E2F3: variants seen among roughly 807,000 people sequenced by gnomAD.
E2F3 encodes transcription factor E2F3.
In E2F3, 11 loss-of-function variants were observed where a neutral mutation model predicts 44.4. The ratio of observed to expected loss-of-function variants is 0.25; its 90% CI spans 0.16 to 0.41. The LOEUF (loss-of-function observed/expected upper bound fraction) is 0.41, where lower values mean the gene tolerates loss of function less well. E2F3 is among the 10% of genes least tolerant of loss of function. E2F3 has a pLI of 1.00. For missense variants in E2F3, 487 were observed against 583.6 expected, an observed-to-expected ratio of 0.83 and a Z score of 1.70; for synonymous variants, 249 against 253.0, an observed-to-expected ratio of 0.98 and a Z score of 0.15.
intron 1 of E2F3, among the ~76,000 whole-genome samples, chr6:20,476,755 G>A (rs759840831): frequency 2.0e-5 from 3 of 152,212 alleles, no homozygotes; most frequent in South Asian, 2.1e-4. Flanking sequence ...GCACAGATGC[G>A]CTTAGACCAG....
chr6:20,434,086 G>A (rs529670629), intron 1 of E2F3, among the ~76,000 whole-genome samples: 2 of 152,304 alleles, frequency 1.3e-5, no homozygotes, highest in East Asian at 3.9e-4. Context: ...TTTGATGATT[G>A]AGCAGAAAAA....
chr6:20,448,787 G>A (rs1017707573), intron 1 of E2F3, among the ~76,000 whole-genome samples: 3 of 152,182 alleles, frequency 2.0e-5, no homozygotes, highest in Non-Finnish European at 4.4e-5. Context: ...AGCTGAAGGT[G>A]GGGGTGAGGG....
chr6:20,435,186 G>GC (rs761009848), intron 1 of E2F3, among the ~76,000 whole-genome samples: 40 of 152,160 alleles, frequency 2.6e-4, no homozygotes, highest in Admixed American at 4.6e-4. Context: ...GTGATCACAT[G>GC]CCCCAAGTCT....
chr6:20,465,891 C>T (rs768443441), intron 1 of E2F3, among the ~76,000 whole-genome samples: 7 of 152,086 alleles, frequency 4.6e-5, no homozygotes, highest in Non-Finnish European at 5.9e-5. Context: ...AATTGTGAAT[C>T]GTGCTGCTAT....
intron 1 of E2F3, among the ~76,000 whole-genome samples, chr6:20,409,959 TG>T (rs985796284): frequency 1.2e-4 from 18 of 152,356 alleles, no homozygotes; most frequent in African/African-American, 3.8e-4. Context: ...TGATTTCCTC[TG>T]GAAAGTTTTT....
At chr6:20,439,363 G>T (rs781254431) in intron 1 of E2F3, among the ~76,000 whole-genome samples, 9 of 152,242 alleles carry the variant, frequency 5.9e-5, no homozygotes, top group Admixed American at 2.6e-4. Context: ...GAAGCGAGCT[G>T]CTCTTTAGGG....
intron 1 of E2F3, among the ~76,000 whole-genome samples, chr6:20,429,599 C>G (rs888607641): frequency 1.3e-5 from 2 of 152,134 alleles, no homozygotes; most frequent in Non-Finnish European, 2.9e-5. Context: ...AGTCTAGGAC[C>G]ATTTCTCAAA....
At chr6:20,446,473 C>G (rs1760948398) in intron 1 of E2F3, among the ~76,000 whole-genome samples, 2 of 152,212 alleles carry the variant, frequency 1.3e-5, no homozygotes, top group African/African-American at 4.8e-5. Flanking sequence ...CCACAAGTAG[C>G]ACTTAAGGTT....
chr6:20,416,801 G>T (rs1417280172), intron 1 of E2F3, among the ~76,000 whole-genome samples: 1 of 152,062 alleles, frequency 6.6e-6, no homozygotes, highest in Non-Finnish European at 1.5e-5. Context: ...CATATCATGA[G>T]ATTCTAGTAA....
At chr6:20,403,319 C>T (rs946453499) in intron 1 of E2F3, among the ~76,000 whole-genome samples, 6 of 152,136 alleles carry the variant, frequency 3.9e-5, no homozygotes, top group African/African-American at 9.6e-5. Context: ...TGGGCGCATC[C>T]TGGCAGTGGC....
chr6:20,479,725 G>T, intron 1 of E2F3, 121 bp from the exon 2 acceptor site: 1 of 737,194 alleles, frequency 1.4e-6, no homozygotes, highest in East Asian at 2.7e-5. Flanking sequence ...TGAGTGGGGT[G>T]GAGCAGAGGG....
chr6:20,441,945 A>C (rs556314380), intron 1 of E2F3, among the ~76,000 whole-genome samples: 1 of 151,628 alleles, frequency 6.6e-6, no homozygotes, highest in Non-Finnish European at 1.5e-5. Flanking sequence ...CTAGCCATGC[A>C]CTAGGGGATT....
intron 4 of E2F3, among the ~76,000 whole-genome samples, chr6:20,484,952 C>CA (rs575881477): frequency 0.072 from 4,488 of 62,178 alleles, 174 homozygotes; most frequent in African/African-American, 0.16. Context: ...GAGTCCGTCT[C>CA]AAAAAAAAAA....
chr6:20,406,595 T>C (rs780965948), intron 1 of E2F3, among the ~76,000 whole-genome samples: 1 of 152,108 alleles, frequency 6.6e-6, no homozygotes, highest in African/African-American at 2.4e-5. Context: ...AGGGGTAAAA[T>C]AGGGACATTT....
chr6:20,402,009 A>C lies in E2F3; in HGVS notation c.-224A>C. The C allele has an allele frequency of 1.6e-6, 1 of 632,130 alleles. No individual in the cohort carries two copies. Among genetic ancestry groups the C allele is most frequent in the Non-Finnish European group, 2.3e-6 (1 of 437,600 alleles). 39.2% of individuals were successfully genotyped at this position (632,130 alleles called of 1,614,324 possible). On this transcript the variant is annotated 5_prime_UTR_variant, in exon 1 of 7. Coordinates refer to ENST00000346618, the MANE Select transcript of E2F3 (RefSeq NM_001949.5). This position sits in a 1 kb window ranked among gnomAD's most constrained non-coding sequence, Gnocchi z 5.6. ...CCTCCATCCCCGCTTGGGGCCCGAT[A>C]TCCGTGCGGCCGGGACCCTCCTCTC...
chr6:20,484,040 C>T (rs1057375521), intron 4 of E2F3, among the ~76,000 whole-genome samples: 1 of 152,128 alleles, frequency 6.6e-6, no homozygotes, highest in Non-Finnish European at 1.5e-5. Context: ...AGTGGGTTTA[C>T]AGGGGAAGAA....
In E2F3 at chr6:20,490,349, G is replaced by A; in HGVS notation, c.1317G>A (p.Gly439=). 6.2e-7 allele frequency: 1 copy of A among 1,613,524 alleles called. No individual in the cohort carries two copies. The highest frequency in any genetic ancestry group is 8.5e-7 in the Non-Finnish European group (1 of 1,179,774). Reference sequence around the variant, plus strand: ...AAGAGGACTATCTCCTGAGCCTCGGGGAGGAGGAAGGCATCAGCGATCTCT... The same window carrying A: ...AAGAGGACTATCTCCTGAGCCTCGGAGAGGAGGAAGGCATCAGCGATCTCT... The part of the protein sequence containing the change: ...LLQEDYLLSL[G]EEEGISDLFD... Residue 439 remains glycine (G), a synonymous_variant, in exon 7 of 7, where the codon GGG becomes GGA. Coordinates refer to ENST00000346618, the MANE Select transcript of E2F3 (RefSeq NM_001949.5). This position sits in a 1 kb window ranked among gnomAD's most constrained non-coding sequence, Gnocchi z 4.3.
chr6:20,462,106 CT>C (rs1761530050), intron 1 of E2F3, among the ~76,000 whole-genome samples: 1 of 152,274 alleles, frequency 6.6e-6, no homozygotes, highest in African/African-American at 2.4e-5. Flanking sequence ...TTCTTACTGG[CT>C]ACTCCTAATT....
intron 1 of E2F3, among the ~76,000 whole-genome samples, chr6:20,414,660 C>T (rs1360370860): frequency 1.3e-5 from 2 of 152,120 alleles, no homozygotes; most frequent in East Asian, 1.9e-4. Flanking sequence ...CTAATTTTGT[C>T]GCTATGTTGG....
Sources: gnomAD v4.1 joint callset for allele counts (sites outside exome capture counted in the v4.1 genomes callset) on GRCh38, gnomAD v4.1.1 for gene constraint, Gnocchi (gnomAD v3.1) non-coding constraint, MANE v1.5 for transcripts, NCBI Gene and HGNC (gene_info 2026-07-23, HGNC 2026-07-21) for gene names.